The following OPCML variants were observed in gnomAD, a reference collection of about 807,000 sequenced individuals.
OPCML encodes the protein opioid binding protein/cell adhesion molecule like, also known as opioid-binding protein/cell adhesion molecule.
In OPCML, 13 loss-of-function variants were observed where a neutral mutation model predicts 37.8. That is an observed-to-expected ratio of 0.34 (90% CI 0.22 to 0.55). OPCML has a LOEUF of 0.55. Among genes scored for constraint, OPCML ranks in the 20% least tolerant of loss-of-function variants. The pLI is 0.91. For synonymous variants in OPCML, 176 were observed against 168.8 expected (o/e 1.04, Z -0.33); for missense variants, 341 against 435.6 (o/e 0.78, Z 1.93).
At chr11:132,778,451 G>A (rs1290611208) in intron 2 of OPCML, among the ~76,000 whole-genome samples, 1 of 152,218 alleles carries the variant, frequency 6.6e-6, no homozygotes, top group Non-Finnish European at 1.5e-5. Flanking sequence ...TGCAAATCAT[G>A]ACCTCAAGAA....
At chr11:132,572,454 TC>T (rs2096440897) in intron 3 of OPCML, among the ~76,000 whole-genome samples, 1 of 152,262 alleles carries the variant, frequency 6.6e-6, no homozygotes, top group South Asian at 2.1e-4. Context: ...GGGTCCAATT[TC>T]ATTCTTCTAT....
intron 1 of OPCML, among the ~76,000 whole-genome samples, chr11:133,519,032 T>A (rs1009632189): frequency 6.6e-6 from 1 of 152,048 alleles, no homozygotes; most frequent in Non-Finnish European, 1.5e-5. Context: ...CACAGGAACA[T>A]CCTGAGGGCT....
chr11:133,085,642 T>C (rs1948807495), intron 1 of OPCML, among the ~76,000 whole-genome samples: 1 of 152,158 alleles, frequency 6.6e-6, no homozygotes, highest in African/African-American at 2.4e-5. Context: ...ATGTTATTGA[T>C]GAGAAAGGAG....
At chr11:132,876,823 G>A (rs916769716) in intron 2 of OPCML, among the ~76,000 whole-genome samples, 1 of 152,128 alleles carries the variant, frequency 6.6e-6, no homozygotes, top group African/African-American at 2.4e-5. Flanking sequence ...AGGAGTTGCC[G>A]TATACCACCA....
intron 1 of OPCML, among the ~76,000 whole-genome samples, chr11:133,098,327 T>C (rs190347804): frequency 1.6e-4 from 24 of 151,646 alleles, no homozygotes; most frequent in African/African-American, 5.1e-4. Context: ...GCCATTCTCC[T>C]GCCTCAGCCT....
chr11:132,846,503 T>A (rs139379614), intron 2 of OPCML, among the ~76,000 whole-genome samples: 14 of 152,302 alleles, frequency 9.2e-5, no homozygotes, highest in Non-Finnish European at 1.6e-4. Context: ...GTGTTTTAAA[T>A]CCCTCAAATA....
chr11:133,228,088 T>C (rs1297265253), intron 1 of OPCML, among the ~76,000 whole-genome samples: 4 of 152,190 alleles, frequency 2.6e-5, no homozygotes, highest in Non-Finnish European at 4.4e-5. Flanking sequence ...GGATGGGAGA[T>C]GTCCCATTCA....
chr11:133,281,642 T>C (rs1328525309), intron 1 of OPCML, among the ~76,000 whole-genome samples: 1 of 151,920 alleles, frequency 6.6e-6, no homozygotes, highest in East Asian at 1.9e-4. Flanking sequence ...GCTTTGGAAC[T>C]GGGTAACAAG....
At chr11:132,929,214 A>G (rs1246966047) in intron 2 of OPCML, among the ~76,000 whole-genome samples, 1 of 151,892 alleles carries the variant, frequency 6.6e-6, no homozygotes, top group Non-Finnish European at 1.5e-5. Context: ...AGCTAGATTG[A>G]CTAAGAAAAA....
chr11:132,737,616 T>C (rs1945302532), intron 2 of OPCML, among the ~76,000 whole-genome samples: 1 of 152,222 alleles, frequency 6.6e-6, no homozygotes, highest in African/African-American at 2.4e-5. Flanking sequence ...ATTCCCATGT[T>C]GCTGACCTTT....
chr11:132,426,031 C>T (rs1395400141), intron 7 of OPCML, among the ~76,000 whole-genome samples: 4 of 152,196 alleles, frequency 2.6e-5, no homozygotes, highest in African/African-American at 9.6e-5. Flanking sequence ...TCCTCCTTCA[C>T]CCTTTTTAAT....
intron 1 of OPCML, among the ~76,000 whole-genome samples, chr11:133,060,693 G>A (rs767476070): frequency 2.8e-4 from 43 of 152,352 alleles, no homozygotes; most frequent in Non-Finnish European, 5.9e-4. Flanking sequence ...AAGATTCTAC[G>A]TTTTCCTGAA....
chr11:132,717,772 T>C lies in OPCML; in HGVS notation c.147-60453A>G, dbSNP rs114072383. 1.6e-3 allele frequency among the ~76,000 whole-genome samples: 244 copies of C among 152,312 alleles called. 3 individuals carry two copies. Among genetic ancestry groups the C allele is most frequent in the African/African-American group, 5.3e-3 (221 of 41,574 alleles). ...CACAAAGCAGGTTCTTTCCCTCCTATGGTGTCTCCCTCTCTATGAGGGAAA... is the reference window on the plus strand; with the variant it reads ...CACAAAGCAGGTTCTTTCCCTCCTACGGTGTCTCCCTCTCTATGAGGGAAA... On this transcript the variant is annotated intron_variant, in intron 2 of 7. Transcript: ENST00000524381.
intron 1 of OPCML, among the ~76,000 whole-genome samples, chr11:133,417,798 T>C (rs7113319): frequency 0.1 from 15,509 of 152,082 alleles, 1,196 homozygotes; most frequent in African/African-American, 0.2. Context: ...CTATGCCTTG[T>C]GTAAGGGGCA....
chr11:132,436,130 G>A lies in OPCML; in HGVS notation c.872C>T (p.Ala291Val), dbSNP rs770267945. 9 of 1,614,114 alleles carry A rather than the reference G, an allele frequency of 5.6e-6. No homozygotes were observed. Among genetic ancestry groups the A allele is most frequent in the Non-Finnish European group, 6.8e-6 (8 of 1,179,998 alleles). Residue 291 changes from alanine to valine, a missense_variant, in exon 7 of 8, where the codon GCC becomes GTC. Ala to Val is a moderately conservative substitution (Grantham distance 64). Coordinates refer to ENST00000524381, the MANE Select transcript of OPCML (RefSeq NM_001012393.5). Reference protein sequence around the residue: ...EKDYGNYTCVATNKLGNTNAS... With the variant: ...EKDYGNYTCVVTNKLGNTNAS... ...ATTGGTGTTCCCAAGCTTGTTCGTG[G>A]CCACACAAGTATAGTTCCCATAATC...
At chr11:133,447,753 T>A (rs1183011824) in intron 1 of OPCML, among the ~76,000 whole-genome samples, 3 of 152,248 alleles carry the variant, frequency 2.0e-5, no homozygotes, top group African/African-American at 7.2e-5. Flanking sequence ...TACCACATTT[T>A]ATTTATCCAG....
Position 132,457,703 on chromosome 11 carries a change from A to G in OPCML, c.506-20344T>C, listed in dbSNP as rs528785201. 2.0e-4 allele frequency among the ~76,000 whole-genome samples: 31 copies of G among 152,244 alleles called. 1 individual carries two copies. The highest frequency in any genetic ancestry group is 1.5e-3 in the Admixed American group (23 of 15,290). On this transcript the variant is annotated intron_variant, in intron 4 of 7. Transcript: ENST00000524381. The stretch of plus-strand genomic sequence containing the variant: ...TGTTTCCCTTTCTCTGGTGCTGTCC[A>G]TGGCCTGCCACCCAGATTCCCAATT...
intron 2 of OPCML, among the ~76,000 whole-genome samples, chr11:132,758,547 A>G (rs572230044): frequency 6.6e-6 from 1 of 151,996 alleles, no homozygotes; most frequent in South Asian, 2.1e-4. Context: ...TAGGTATTTT[A>G]TTCTCTTTGT....
intron 1 of OPCML, among the ~76,000 whole-genome samples, chr11:133,494,791 C>T (rs2120478275): frequency 6.8e-6 from 1 of 147,986 alleles, no homozygotes; most frequent in East Asian, 2.0e-4. Flanking sequence ...TTAATGGGTG[C>T]AGCACACCAA....
Sources: allele counts gnomAD v4.1 joint callset (sites outside exome capture counted in the v4.1 genomes callset), GRCh38; gene constraint gnomAD v4.1.1; transcripts MANE v1.5; gene names NCBI Gene and HGNC (gene_info 2026-07-23, HGNC 2026-07-21).